The following DHX36 variants were observed in gnomAD, a reference collection of about 807,000 sequenced individuals.
The protein encoded by DHX36 is DEAH-box helicase 36, also known as ATP-dependent DNA/RNA helicase DHX36.
Under a neutral mutation model 139.0 loss-of-function variants are expected in DHX36, and 50 were observed. That is an observed-to-expected ratio of 0.36 (90% CI 0.29 to 0.46). DHX36 has a LOEUF of 0.46. Ranked by LOEUF, DHX36 falls within the 20% of genes least tolerant of loss-of-function variation. The pLI, the probability that DHX36 is intolerant of heterozygous loss-of-function variation, is 1.00. For synonymous variants in DHX36, 425 were observed against 401.9 expected, an observed-to-expected ratio of 1.06 and a Z score of -0.69; for missense variants, 1,024 against 1,211.3, an observed-to-expected ratio of 0.85 and a Z score of 2.29.
intron 22 of DHX36, chr3:154,279,588 T>C (rs1294944230): frequency 6.6e-6 from 1 of 152,318 alleles, no homozygotes; most frequent in East Asian, 1.9e-4. Flanking sequence ...TACCTTGGAA[T>C]AGGGTTTCTT....
At chr3:154,292,121 C>T (rs146183993) in intron 15 of DHX36, among the ~76,000 whole-genome samples, 501 of 152,222 alleles carry the variant, frequency 3.3e-3, no homozygotes, top group Non-Finnish European at 5.3e-3. Flanking sequence ...CATTTAATTT[C>T]CTTGTACCTT....
At chr3:154,288,533 A>G (rs1412193971) in intron 17 of DHX36, among the ~76,000 whole-genome samples, 1 of 152,150 alleles carries the variant, frequency 6.6e-6, no homozygotes, top group Non-Finnish European at 1.5e-5. Flanking sequence ...GTGATAAATC[A>G]TTTAGCTGCA....
Position 154,276,837 on chromosome 3 carries a change from A to G in DHX36, c.2751T>C (p.Ile917=). 1 of 1,613,962 alleles carries G rather than the reference A, an allele frequency of 6.2e-7. No individual in the cohort carries two copies. Among genetic ancestry groups the G allele is most frequent in the Non-Finnish European group, 8.5e-7 (1 of 1,179,924 alleles). ...PYCLLFFGGD[I]SIQKDNDQET... is the part of the protein sequence containing the mutation. ...CCTGATCGTTATCCTTCTGGATGGAAATGTCACCTCCAAAAAACAAGAGAC... is the reference window on the plus strand; with the variant it reads ...CCTGATCGTTATCCTTCTGGATGGAGATGTCACCTCCAAAAAACAAGAGAC... Residue 917 remains isoleucine, a synonymous_variant, in exon 24 of 25, where the codon ATT becomes ATC. Transcript: ENST00000496811.
intron 12 of DHX36, chr3:154,299,620 A>T: frequency 2.0e-6 from 1 of 500,876 alleles, no homozygotes; most frequent in South Asian, 2.0e-5. Context: ...TAAGTGAAAA[A>T]ATGAAAAACC....
chr3:154,295,283 C>T lies in DHX36; in HGVS notation c.1605+1G>A, dbSNP rs1469178315. 6.5e-7 allele frequency: 1 copy of T among 1,540,426 alleles called. No individual in the cohort carries two copies. Among genetic ancestry groups the T allele is most frequent in the Non-Finnish European group, 8.8e-7 (1 of 1,132,380 alleles). On this transcript the variant is annotated splice_donor_variant, in intron 13 of 24. Transcript: ENST00000496811. LOFTEE classifies it high-confidence loss of function. ...TTAACAAATGTATCCATTTAACATA[C>T]CTGTGTCTGGTTAACTGTAGGCATC...
chr3:154,284,526 A>T lies in DHX36; in HGVS notation c.2292+57T>A. Reference sequence around the variant, plus strand: ...GGTTAAATATGATCCTTATTCTATTATTAGCATTTCATTTGAATAAACTAT... The same window carrying T: ...GGTTAAATATGATCCTTATTCTATTTTTAGCATTTCATTTGAATAAACTAT... On this transcript the variant is annotated intron_variant, in intron 19 of 24. Transcript: ENST00000496811. 5 of 1,392,046 alleles carry T rather than the reference A, an allele frequency of 3.6e-6. No homozygotes were observed. The South Asian group carries it at 6.5e-5, about 18-fold the overall frequency. The allele number at this position is 1,392,046 out of a possible 1,614,324, so 86.2% of individuals were successfully genotyped here. A position where few individuals can be genotyped will look rare whatever the true frequency, so the allele number is the denominator to read the frequency against.
Position 154,305,111 on chromosome 3 carries a change from C to T in DHX36, c.951G>A (p.Gln317=), listed in dbSNP as rs773413387. 1.2e-6 allele frequency: 2 copies of T among 1,613,646 alleles called. No homozygotes were observed. Among genetic ancestry groups the T allele is most frequent in the Non-Finnish European group, 1.7e-6 (2 of 1,179,860 alleles). The change falls in exon 7 of 25, where the codon CAG becomes CAA. Residue 317 remains glutamine, a synonymous_variant. Coordinates refer to ENST00000496811, the MANE Select transcript of DHX36 (RefSeq NM_020865.3). The stretch of plus-strand genomic sequence containing the variant: ...ATACTCACGGGTCTGACTGGAGCCA[C>T]TGAAGGATGATTCCTGTTGTACAGT... The part of the protein sequence containing the change: ...ILYCTTGIIL[Q]WLQSDPYLSS...
Position 154,284,631 on chromosome 3 carries a change from C to T in DHX36, c.2244G>A (p.Leu748=). The T allele has an allele frequency of 6.2e-7, 1 of 1,612,726 alleles. No individual in the cohort carries two copies. Among genetic ancestry groups the T allele is most frequent in the Non-Finnish European group, 8.5e-7 (1 of 1,179,422 alleles). The change falls in exon 19 of 25, where the codon TTG becomes TTA. Residue 748 remains leucine, a synonymous_variant. Transcript: ENST00000496811. ...EKIADARRKE[L]AKDTRSDHLT... Reference sequence around the variant, plus strand: ...AGTGATCACTTCTAGTATCCTTTGCCAATTCCTTTCTTCTTGCATCTGCAA... The same window carrying T: ...AGTGATCACTTCTAGTATCCTTTGCTAATTCCTTTCTTCTTGCATCTGCAA...
At position 154,280,606 on chromosome 3, in the gene DHX36, C is replaced by G; in HGVS notation, c.2540G>C (p.Arg847Pro). ...AGLYPKVAKI[R>P]LNLGKKRKMV... ...TTTTCTTTTTTTACCCAAATTTAGT[C>G]GAATTTTAGCAACTTTGGGATATAA... Residue 847 changes from arginine (R) to proline (P), a missense_variant, in exon 22 of 25, where the codon CGA becomes CCA. Around this residue, in one of 4 missense-constraint regions of DHX36, gnomAD observed 470 missense variants for 616.2 expected, o/e 0.76. Transcript: ENST00000496811. 6.2e-7 allele frequency: 1 copy of G among 1,612,114 alleles called. No homozygotes were observed. The highest frequency in any genetic ancestry group is 1.3e-5 in the African/African-American group (1 of 74,888).
rs1559941013 is a variant in DHX36, at chr3:154,273,181, A to G, written c.*2990T>C. 5 of 152,190 alleles carry G rather than the reference A, an allele frequency of 3.3e-5. No homozygotes were observed. Among genetic ancestry groups the G allele is most frequent in the Non-Finnish European group, 2.9e-5 (2 of 68,024 alleles). 9.4% of individuals were successfully genotyped at this position (152,190 alleles called of 1,614,324 possible). A position where few individuals can be genotyped will look rare whatever the true frequency, so the allele number is the denominator to read the frequency against. On this transcript the variant is annotated 3_prime_UTR_variant, in exon 25 of 25. Transcript: ENST00000496811. Reference sequence around the variant, plus strand: ...CTTTAAAATCCACTAAAGAACAAACAGTTCTTAGACCTGGAATGTATTTTC... The same window carrying G: ...CTTTAAAATCCACTAAAGAACAAACGGTTCTTAGACCTGGAATGTATTTTC...
chr3:154,290,469 G>A (rs1434006725), intron 15 of DHX36, among the ~76,000 whole-genome samples: 1 of 151,476 alleles, frequency 6.6e-6, no homozygotes, highest in African/African-American at 2.4e-5. Context: ...AACCCCATCT[G>A]TACTAAAAAA....
chr3:154,322,477 T>C (rs1713229965), intron 1 of DHX36, among the ~76,000 whole-genome samples: 1 of 152,224 alleles, frequency 6.6e-6, no homozygotes, highest in African/African-American at 2.4e-5. Flanking sequence ...TGGTAACTAT[T>C]CTGGAGGTAA....
chr3:154,323,585 T>G (rs1373268699), intron 1 of DHX36, among the ~76,000 whole-genome samples: 1 of 152,142 alleles, frequency 6.6e-6, no homozygotes, highest in East Asian at 1.9e-4. Context: ...CTCTGGAGAT[T>G]CCTTTCATTT....
chr3:154,291,365 T>C (rs1441088774), intron 15 of DHX36, among the ~76,000 whole-genome samples: 1 of 152,164 alleles, frequency 6.6e-6, no homozygotes, highest in Non-Finnish European at 1.5e-5. Context: ...GGAACAAATC[T>C]AAGGCTTAGT....
chr3:154,323,321 T>TGA (rs937078107), intron 1 of DHX36, among the ~76,000 whole-genome samples: 58 of 151,594 alleles, frequency 3.8e-4, no homozygotes, highest in African/African-American at 1.3e-3. Context: ...GGCGACAGAG[T>TGA]GAGACCCTGT....
chr3:154,304,393 A>G (rs553017744), intron 8 of DHX36, among the ~76,000 whole-genome samples: 1 of 152,326 alleles, frequency 6.6e-6, no homozygotes, highest in East Asian at 1.9e-4. Flanking sequence ...AGTGTTATAA[A>G]GACTAAGGAA....
chr3:154,300,848 T>C, intron 10 of DHX36, 139 bp downstream of exon 10: 1 of 1,347,962 alleles, frequency 7.4e-7, no homozygotes, highest in South Asian at 1.3e-5. Flanking sequence ...AAAAGTCAAA[T>C]CAGCACAATA....
intron 1 of DHX36, among the ~76,000 whole-genome samples, chr3:154,319,999 C>G (rs112050100): frequency 6.6e-5 from 10 of 152,154 alleles, no homozygotes; most frequent in African/African-American, 2.2e-4. Flanking sequence ...GCCACCCTAC[C>G]GCAATCTGGC....
intron 22 of DHX36, chr3:154,279,483 C>G (rs962937844): frequency 3.9e-5 from 6 of 152,178 alleles, no homozygotes; most frequent in Non-Finnish European, 2.9e-5. Flanking sequence ...AAAAAAATTT[C>G]TGGCCAAGTA....
Sources: gnomAD v4.1 joint callset for allele counts (sites outside exome capture counted in the v4.1 genomes callset) on GRCh38, gnomAD v4.1.1 for gene constraint, gnomAD v4.1.1 regional missense constraint, MANE v1.5 for transcripts, NCBI Gene and HGNC (gene_info 2026-07-23, HGNC 2026-07-21) for gene names.